Variants in GOLGA1 observed in about 807,000 individuals in gnomAD.
GOLGA1 encodes the protein golgin subfamily A member 1.
A neutral mutation model predicts 119.7 loss-of-function variants in GOLGA1; 63 were observed. That is an observed-to-expected ratio of 0.53 (90% CI 0.43 to 0.65). The LOEUF is 0.65. Among genes scored for constraint, GOLGA1 ranks in the 30% least tolerant of loss-of-function variants. The pLI is 0.00. For missense variants in GOLGA1, 798 were observed against 912.8 expected (o/e 0.87, Z 1.62); for synonymous variants, 318 against 333.4 (o/e 0.95, Z 0.50).
intron 3 of GOLGA1, among the ~76,000 whole-genome samples, chr9:124,936,010 T>C (rs979940205): frequency 5.9e-5 from 9 of 152,110 alleles, no homozygotes; most frequent in African/African-American, 2.2e-4. Flanking sequence ...GGTCTGGAGA[T>C]AGGAACTGAG....
chr9:124,912,573 C>G (rs570940395), intron 10 of GOLGA1, among the ~76,000 whole-genome samples: 20 of 152,294 alleles, frequency 1.3e-4, no homozygotes, highest in Non-Finnish European at 2.6e-4. Context: ...GACGGAGTGT[C>G]GCTCTGTTGC....
At chr9:124,882,021 G>T in intron 20 of GOLGA1, 67 bp from the exon 21 acceptor site, 4 of 1,170,220 alleles carry the variant, frequency 3.4e-6, no homozygotes, top group Non-Finnish European at 4.9e-6. Flanking sequence ...TCACACGGGA[G>T]GTTCACCTGG....
chr9:124,885,692 A>G (rs1829706070), intron 19 of GOLGA1, among the ~76,000 whole-genome samples: 1 of 152,010 alleles, frequency 6.6e-6, no homozygotes, highest in African/African-American at 2.4e-5. Context: ...GTTGGAGGGT[A>G]CTTGATGGGA....
intron 17 of GOLGA1, 31 bp downstream of exon 17, chr9:124,889,403 G>C (rs904815812): frequency 6.3e-7 from 1 of 1,591,364 alleles, no homozygotes; most frequent in South Asian, 1.1e-5. Flanking sequence ...CTGAAAAGGA[G>C]AGAAGGCTCA....
intron 16 of GOLGA1, 39 bp downstream of exon 16, chr9:124,890,350 G>GTTGGAGTGA: frequency 7.4e-7 from 1 of 1,355,034 alleles, no homozygotes; most frequent in Non-Finnish European, 1.1e-6. Flanking sequence ...CTGTGGGACT[G>GTTGGAGTGA]CAGGGGGACA....
At chr9:124,931,922 TTAA>T (rs1393649594) in intron 3 of GOLGA1, among the ~76,000 whole-genome samples, 6 of 152,180 alleles carry the variant, frequency 3.9e-5, no homozygotes, top group African/African-American at 1.2e-4. Context: ...AACCAATATA[TTAA>T]TGAGGCATAC....
intron 10 of GOLGA1, among the ~76,000 whole-genome samples, chr9:124,914,077 A>G (rs369271389): frequency 6.6e-6 from 1 of 152,258 alleles, no homozygotes; most frequent in South Asian, 2.1e-4. Flanking sequence ...TAGGAAAAAA[A>G]AAGCCAGTTT....
At chr9:124,900,891 A>G (rs1352075864) in intron 12 of GOLGA1, among the ~76,000 whole-genome samples, 1 of 151,206 alleles carries the variant, frequency 6.6e-6, no homozygotes, top group Non-Finnish European at 1.5e-5. Flanking sequence ...TTACTGACCC[A>G]TTTGCCTACT....
chr9:124,889,062 C>T (rs894616), intron 18 of GOLGA1, 81 bp downstream of exon 18: 386,337 of 1,109,044 alleles, frequency 0.35, 68,765 homozygotes, highest in Admixed American at 0.42. Flanking sequence ...CATGTGTCCC[C>T]ACTGCTGCCT....
chr9:124,939,528 A>C (rs918902130), intron 2 of GOLGA1, among the ~76,000 whole-genome samples: 8 of 146,378 alleles, frequency 5.5e-5, no homozygotes, highest in African/African-American at 2.0e-4. Context: ...AATTACCTCC[A>C]ATGAGTTTAT....
chr9:124,929,069 A>C, intron 5 of GOLGA1, 147 bp downstream of exon 5: 1 of 635,888 alleles, frequency 1.6e-6, no homozygotes, highest in South Asian at 1.9e-5. Flanking sequence ...ATATCATCCA[A>C]ATGTTATATC....
chr9:124,899,597 C>T, intron 13 of GOLGA1, 119 bp from the exon 14 acceptor site: 1 of 1,039,010 alleles, frequency 9.6e-7, no homozygotes, highest in South Asian at 1.5e-5. Context: ...CTGACCCCAT[C>T]CCCCCTGGCG....
At position 124,880,387 on chromosome 9, in the gene GOLGA1, G is replaced by T. The variant is rs1351210838; in HGVS notation, c.*143C>A. ...TTCAGGTCAGCCTGCAGGGAAGTGG[G>T]CCTTAGTCTTGTAAACAATGTTTAG... is the stretch of plus-strand genomic sequence containing the variant. On this transcript the variant is annotated 3_prime_UTR_variant, in exon 23 of 23. Coordinates refer to ENST00000373555, the MANE Select transcript of GOLGA1 (RefSeq NM_002077.4). 2 of 602,044 alleles carry T rather than the reference G, an allele frequency of 3.3e-6. No homozygotes were observed. Among genetic ancestry groups the T allele is most frequent in the African/African-American group, 3.7e-5 (2 of 54,066 alleles). The allele number at this position is 602,044 out of a possible 1,614,324, so 37.3% of individuals were successfully genotyped here. A position where few individuals can be genotyped will look rare whatever the true frequency, so the allele number is the denominator to read the frequency against.
Position 124,881,603 on chromosome 9 carries a change from C to A in GOLGA1, c.2136+181G>T, listed in dbSNP as rs889837645. ...CCACCAGGAGCCAGTTCCTGCACGGCCTCTCCCGCCAGCCGCTCACTCCGC... is the reference window on the plus strand; with the variant it reads ...CCACCAGGAGCCAGTTCCTGCACGGACTCTCCCGCCAGCCGCTCACTCCGC... On this transcript the variant is annotated intron_variant, in intron 21 of 22. Coordinates refer to ENST00000373555, the MANE Select transcript of GOLGA1 (RefSeq NM_002077.4). The surrounding 1 kb of genome is among the most constrained non-coding windows in gnomAD (Gnocchi z 4.9). Among the ~76,000 whole-genome samples the A allele has an allele frequency of 6.6e-5, 10 of 152,176 alleles. No homozygotes were observed. Among genetic ancestry groups the A allele is most frequent in the African/African-American group, 2.4e-4 (10 of 41,432 alleles).
chr9:124,890,175 G>A (rs529676490), intron 16 of GOLGA1, among the ~76,000 whole-genome samples: 3 of 152,214 alleles, frequency 2.0e-5, no homozygotes, highest in East Asian at 3.9e-4. Context: ...AATCAGAAAA[G>A]GGCATCCTAT....
chr9:124,932,312 A>G (rs1470053304), intron 3 of GOLGA1, among the ~76,000 whole-genome samples: 1 of 152,196 alleles, frequency 6.6e-6, no homozygotes, highest in Non-Finnish European at 1.5e-5. Flanking sequence ...GTATCCCCAA[A>G]ATGTTTTTAA....
At chr9:124,882,393 G>C (rs1829608894) in intron 20 of GOLGA1, 117 bp downstream of exon 20, 1 of 734,158 alleles carries the variant, frequency 1.4e-6, no homozygotes, top group Non-Finnish European at 2.3e-6. Flanking sequence ...GCGATCCCTT[G>C]CAATTAATTA....
rs17327817 is a variant in GOLGA1 at position 124,879,857 on chromosome 9, A to T, written c.*673T>A. ...ATTCATTAAAAAGGCAATTGAGTGT[A>T]TTTGGTACTAAGGGTCTTTTCATAT... On this transcript the variant is annotated 3_prime_UTR_variant, in exon 23 of 23. Coordinates refer to ENST00000373555, the MANE Select transcript of GOLGA1 (RefSeq NM_002077.4). The T allele has an allele frequency of 0.19, 28,970 of 152,518 alleles. 3,239 individuals are homozygous for T. Among genetic ancestry groups the T allele is most frequent in the Non-Finnish European group, 0.24 (16,309 of 67,988 alleles). 9.4% of individuals were successfully genotyped at this position (152,518 alleles called of 1,614,324 possible). A position where few individuals can be genotyped will look rare whatever the true frequency, so the allele number is the denominator to read the frequency against.
intron 4 of GOLGA1, among the ~76,000 whole-genome samples, chr9:124,930,693 C>T (rs1479942859): frequency 6.6e-6 from 1 of 152,214 alleles, no homozygotes; most frequent in African/African-American, 2.4e-5. Context: ...CAGGATGAAG[C>T]TTTCCAAATG....
Sources: gnomAD v4.1 joint callset for allele counts (sites outside exome capture counted in the v4.1 genomes callset) on GRCh38, gnomAD v4.1.1 for gene constraint, Gnocchi (gnomAD v3.1) non-coding constraint, MANE v1.5 for transcripts, NCBI Gene and HGNC (gene_info 2026-07-23, HGNC 2026-07-21) for gene names.